ZNF536: variants seen among roughly 807,000 people sequenced by gnomAD.
ZNF536 encodes the protein zinc finger protein 536.
Under a neutral mutation model 84.5 loss-of-function variants are expected in ZNF536, and 13 were observed. That is an observed-to-expected ratio of 0.15 (90% CI 0.10 to 0.24). ZNF536 has a LOEUF of 0.24. ZNF536 is among the 10% of genes least tolerant of loss of function. The pLI, the probability that ZNF536 is intolerant of heterozygous loss-of-function variation, is 1.00. For missense variants in ZNF536, 1,536 were observed against 1,747.5 expected (o/e 0.88, Z 2.16); for synonymous variants, 811 against 742.5 (o/e 1.09, Z -1.50).
At chr19:30,267,580 G>A (rs1295258678) in intron 1 of ZNF536, among the ~76,000 whole-genome samples, 1 of 152,108 alleles carries the variant, frequency 6.6e-6, no homozygotes, top group Non-Finnish European at 1.5e-5. Context: ...ATCATGGGAA[G>A]GAGGGGCCAA....
chr19:30,504,214 CTTCCCTTCTTCT>C (rs1568493157), intron 2 of ZNF536, among the ~76,000 whole-genome samples: 1 of 151,374 alleles, frequency 6.6e-6, no homozygotes, highest in Non-Finnish European at 1.5e-5. Flanking sequence ...CCCTCCCTTC[CTTCCCTTCTTCT>C]TTCCCTTCCT....
At chr19:30,627,789 G>T (rs2048742108) in intron 1 of ZNF536, among the ~76,000 whole-genome samples, 1 of 152,192 alleles carries the variant, frequency 6.6e-6, no homozygotes, top group Admixed American at 6.5e-5. Flanking sequence ...GCCTCTAGGG[G>T]TGGCCTGAGA....
chr19:30,524,840 G>A (rs1410848577), intron 2 of ZNF536, among the ~76,000 whole-genome samples: 2 of 152,002 alleles, frequency 1.3e-5, no homozygotes, highest in East Asian at 3.8e-4. Context: ...GAAAGTAGAG[G>A]CTTATACTAT....
intron 1 of ZNF536, among the ~76,000 whole-genome samples, chr19:30,260,844 A>G (rs1231438525): frequency 6.6e-6 from 1 of 152,182 alleles, no homozygotes; most frequent in Non-Finnish European, 1.5e-5. Flanking sequence ...GCTCCTAGAA[A>G]TAAGGAGACA....
intron 2 of ZNF536, among the ~76,000 whole-genome samples, chr19:30,511,644 C>T (rs1032059389): frequency 6.6e-6 from 1 of 152,136 alleles, no homozygotes. Context: ...AACTCACCCC[C>T]ACAGCAGACA....
chr19:30,531,695 G>A (rs1037402552), intron 2 of ZNF536, among the ~76,000 whole-genome samples: 3 of 152,100 alleles, frequency 2.0e-5, no homozygotes, highest in Admixed American at 6.6e-5. Context: ...CGTGATCCCG[G>A]CTCATTGCAG....
rs556661290 is a variant in ZNF536 at position 30,645,239 on chromosome 19, T to G, written c.170-65518T>G. ...TGTTTGTTTTTTTCTTGTAAATTTGTTGGAGTTCATTGTAGATTCTGGATA... is the reference window on the plus strand; with the variant it reads ...TGTTTGTTTTTTTCTTGTAAATTTGGTGGAGTTCATTGTAGATTCTGGATA... On this transcript the variant is annotated intron_variant, in intron 1 of 1. Transcript: ENST00000592773. Among the ~76,000 whole-genome samples, 3 of 152,358 alleles carry G rather than the reference T, an allele frequency of 2.0e-5. No individual in the cohort carries two copies. In the South Asian group the frequency reaches 6.2e-4, roughly 32 times the overall value.
At chr19:30,533,566 T>A (rs559880118) in intron 2 of ZNF536, among the ~76,000 whole-genome samples, 22 of 151,990 alleles carry the variant, frequency 1.4e-4, no homozygotes, top group Non-Finnish European at 2.8e-4. Context: ...ATCTTTCTCA[T>A]GGTCTACAAG....
Position 30,287,670 on chromosome 19 carries a change from G to GTGGATGGA in ZNF536, c.-120+3560_-120+3567dup, listed in dbSNP as rs575229970. Among the ~76,000 whole-genome samples, 179 of 63,172 alleles carry GTGGATGGA rather than the reference G, an allele frequency of 2.8e-3. 3 individuals carry two copies. Among genetic ancestry groups the GTGGATGGA allele is most frequent in the African/African-American group, 0.011 (107 of 9,356 alleles). 41.4% of individuals were successfully genotyped at this position (63,172 alleles called of 152,430 possible). A position where few individuals can be genotyped will look rare whatever the true frequency, so the allele number is the denominator to read the frequency against. ...GATGGGTGGGTGGATGGATGGGTGG[G>GTGGATGGA]TGGATGGATGGATGGATGGATGGAT... On this transcript the variant is annotated intron_variant, in intron 2 of 5. Transcript: ENST00000585628.
intron 1 of ZNF536, among the ~76,000 whole-genome samples, chr19:30,692,767 T>G (rs2051465358): frequency 6.6e-6 from 1 of 152,180 alleles, no homozygotes; most frequent in Non-Finnish European, 1.5e-5. Flanking sequence ...GTGGCCACGC[T>G]GCACACTAGG....
intron 2 of ZNF536, among the ~76,000 whole-genome samples, chr19:30,472,429 C>T (rs1055870990): frequency 6.6e-6 from 1 of 152,094 alleles, no homozygotes; most frequent in Non-Finnish European, 1.5e-5. Context: ...GGGATATTGC[C>T]GTGAGACTCC....
At chr19:30,451,376 C>T (rs2052600202) in intron 2 of ZNF536, among the ~76,000 whole-genome samples, 1 of 152,250 alleles carries the variant, frequency 6.6e-6, no homozygotes, top group Non-Finnish European at 1.5e-5. Context: ...TTCCCATTCA[C>T]TTGGTAGACT....
rs530121762 is a variant in ZNF536 at position 30,387,570 on chromosome 19, C to T, written c.-3+15014C>T. On this transcript the variant is annotated intron_variant, in intron 1 of 4. Transcript: ENST00000355537. Reference sequence around the variant, plus strand: ...ATCCCAATTTGGAAGCCGTGGAGGCCGTTTTTCACCCACACTGACATAAGC... The same window carrying T: ...ATCCCAATTTGGAAGCCGTGGAGGCTGTTTTTCACCCACACTGACATAAGC... Among the ~76,000 whole-genome samples, 21 of 152,288 alleles carry T rather than the reference C, an allele frequency of 1.4e-4. No homozygotes were observed. In the South Asian group the frequency reaches 3.9e-3, roughly 29 times the overall value.
chr19:30,353,432 A>T (rs138390484), intron 3 of ZNF536, among the ~76,000 whole-genome samples: 1 of 151,938 alleles, frequency 6.6e-6, no homozygotes, highest in Admixed American at 6.6e-5. Flanking sequence ...CACTGTGGTG[A>T]GTGTTTTCCG....
intron 1 of ZNF536, among the ~76,000 whole-genome samples, chr19:30,677,377 G>A (rs948823001): frequency 1.3e-5 from 2 of 152,224 alleles, no homozygotes; most frequent in African/African-American, 4.8e-5. Context: ...TTTGGCCTCT[G>A]AAAGGTGCCC....
chr19:30,635,624 G>T (rs547559715), intron 1 of ZNF536, among the ~76,000 whole-genome samples: 14 of 152,182 alleles, frequency 9.2e-5, no homozygotes, highest in Admixed American at 2.0e-4. Context: ...GAGCTCCTGG[G>T]TGTGGCTGGG....
intron 2 of ZNF536, among the ~76,000 whole-genome samples, chr19:30,470,485 T>A (rs1051696681): frequency 4.8e-5 from 7 of 145,738 alleles, no homozygotes; most frequent in Non-Finnish European, 1.0e-4. Flanking sequence ...TTTTTTTTTT[T>A]AATTAATAAA....
At chr19:30,450,537 G>T (rs936739659) in intron 2 of ZNF536, among the ~76,000 whole-genome samples, 4 of 150,706 alleles carry the variant, frequency 2.7e-5, no homozygotes, top group Non-Finnish European at 5.9e-5. Context: ...TTGTGGAGGA[G>T]AACTTTGGAA....
chr19:30,503,033 G>C (rs1363809585), intron 2 of ZNF536, among the ~76,000 whole-genome samples: 1 of 152,106 alleles, frequency 6.6e-6, no homozygotes, highest in African/African-American at 2.4e-5. Flanking sequence ...AGGTTGACAG[G>C]TTTTACCTTT....
Sources: gnomAD v4.1 joint callset for allele counts (sites outside exome capture counted in the v4.1 genomes callset) on GRCh38, gnomAD v4.1.1 for gene constraint, MANE v1.5 for transcripts, NCBI Gene and HGNC (gene_info 2026-07-23, HGNC 2026-07-21) for gene names.